The following MCUB variants were observed in gnomAD, a reference collection of about 807,000 sequenced individuals.
MCUB encodes the protein calcium uniporter regulatory subunit MCUb, mitochondrial.
Under a neutral mutation model 41.4 loss-of-function variants are expected in MCUB, and 46 were observed. That is an observed-to-expected ratio of 1.11 (90% CI 0.88 to 1.42). The LOEUF (loss-of-function observed/expected upper bound fraction) is 1.42, where lower values mean the gene tolerates loss of function less well. Among genes scored for constraint, MCUB ranks in the 40% most tolerant of loss-of-function variants. The pLI is 0.00. For synonymous variants in MCUB, 148 were observed against 148.2 expected (o/e 1.00, Z 0.01); for missense variants, 403 against 404.9 (o/e 1.00, Z 0.04).
chr4:109,685,659 T>C (rs968143159), intron 7 of MCUB, among the ~76,000 whole-genome samples: 4 of 152,176 alleles, frequency 2.6e-5, no homozygotes, highest in African/African-American at 7.2e-5. Context: ...TAATAAAAAA[T>C]AGCATTTTAG....
intron 4 of MCUB, chr4:109,674,020 C>G (rs1729517670): frequency 7.9e-7 from 1 of 1,262,238 alleles, no homozygotes; most frequent in Non-Finnish European, 1.2e-6. Context: ...GTCCATTCAT[C>G]TGATCCACAT....
chr4:109,577,901 C>T lies in MCUB; in HGVS notation c.99+17465C>T, dbSNP rs536318719. 2.8e-4 allele frequency among the ~76,000 whole-genome samples: 8 copies of T among 28,564 alleles called. 4 individuals are homozygous for T. Among genetic ancestry groups the T allele is most frequent in the Admixed American group, 7.6e-4 (2 of 2,646 alleles). 18.7% of individuals were successfully genotyped at this position (28,564 alleles called of 152,430 possible). A position where few individuals can be genotyped will look rare whatever the true frequency, so the allele number is the denominator to read the frequency against. ...CTGGGATTACAGGTGTGAGCCACCG[C>T]GCCCGGCCGGGTACTTGAATTCTTT... On this transcript the variant is annotated intron_variant, in intron 1 of 7. Transcript: ENST00000394650.
At chr4:109,598,718 T>C (rs1418954750) in intron 1 of MCUB, among the ~76,000 whole-genome samples, 1 of 152,202 alleles carries the variant, frequency 6.6e-6, no homozygotes, top group African/African-American at 2.4e-5. Flanking sequence ...TGGTGAGGCC[T>C]GGTTACAAAG....
intron 1 of MCUB, among the ~76,000 whole-genome samples, chr4:109,630,468 A>T (rs1010225324): frequency 6.6e-6 from 1 of 152,070 alleles, no homozygotes. Context: ...TCTCTAAAAA[A>T]ATTTTTTTCT....
rs866138576 is a variant in MCUB, at chr4:109,571,664, T to C, written c.99+11228T>C. ...TAGGAAATGGTTCTGTGATGAGCTC[T>C]ACAGGTCAAGCAGTAGCTCTGCTCC... On this transcript the variant is annotated intron_variant, in intron 1 of 7. Coordinates refer to ENST00000394650, the MANE Select transcript of MCUB (RefSeq NM_017918.5). Among the ~76,000 whole-genome samples the C allele has an allele frequency of 9.2e-5, 14 of 152,352 alleles. 1 individual carries two copies. In the South Asian group the frequency reaches 2.9e-3, roughly 32 times the overall value.
intron 1 of MCUB, among the ~76,000 whole-genome samples, chr4:109,656,354 CTTTT>C (rs752851425): frequency 6.4e-5 from 4 of 62,092 alleles, no homozygotes; most frequent in African/African-American, 2.2e-4. Flanking sequence ...TTACTCTCTA[CTTTT>C]TTTTTTTTTT....
At chr4:109,620,708 A>C (rs1159086034) in intron 1 of MCUB, among the ~76,000 whole-genome samples, 1 of 152,004 alleles carries the variant, frequency 6.6e-6, no homozygotes. Flanking sequence ...TTAAAAGTAA[A>C]GAGTATTGAT....
At position 109,685,338 on chromosome 4, in the gene MCUB, TACA is replaced by T. The variant is rs765523148; in HGVS notation, c.909_911del (p.Asn303del). ...GCAACAGCACTTTGATGTGCAGCAA[TACA>T]ACAAGTTAAAAGAAGACCTTGCTAA... On this transcript the variant is annotated inframe_deletion, in exon 7 of 8. Coordinates refer to ENST00000394650, the MANE Select transcript of MCUB (RefSeq NM_017918.5). The T allele has an allele frequency of 4.4e-5, 69 of 1,563,562 alleles. No individual in the cohort carries two copies. Among genetic ancestry groups the T allele is most frequent in the Non-Finnish European group, 5.1e-5 (58 of 1,134,720 alleles).
chr4:109,662,312 G>A (rs1729247669), intron 3 of MCUB, among the ~76,000 whole-genome samples: 1 of 152,204 alleles, frequency 6.6e-6, no homozygotes, highest in Non-Finnish European at 1.5e-5. Flanking sequence ...TTCCACAGGG[G>A]CAGGGCCCTC....
At chr4:109,674,089 A>G in intron 4 of MCUB, 4 of 1,458,580 alleles carry the variant, frequency 2.7e-6, no homozygotes, top group South Asian at 1.1e-5. Context: ...GGGCTATTCC[A>G]TGTATCGGGA....
chr4:109,575,549 T>G (rs956331680), intron 1 of MCUB, among the ~76,000 whole-genome samples: 2 of 152,208 alleles, frequency 1.3e-5, no homozygotes, highest in African/African-American at 4.8e-5. Context: ...TTTATTCAAT[T>G]TAGTGGGATT....
chr4:109,562,946 A>T (rs1726676616), intron 1 of MCUB, among the ~76,000 whole-genome samples: 1 of 152,236 alleles, frequency 6.6e-6, no homozygotes, highest in Non-Finnish European at 1.5e-5. Context: ...TTTAGTCTGA[A>T]GCGTAGTAGA....
intron 1 of MCUB, among the ~76,000 whole-genome samples, chr4:109,639,370 A>G (rs1449194980): frequency 1.3e-5 from 2 of 150,252 alleles, no homozygotes; most frequent in Non-Finnish European, 3.0e-5. Flanking sequence ...TTTCCCCCTG[A>G]GCAGTAGGTC....
chr4:109,597,453 C>CA (rs1341640775), intron 1 of MCUB, among the ~76,000 whole-genome samples: 1 of 79,186 alleles, frequency 1.3e-5, no homozygotes, highest in Non-Finnish European at 2.9e-5. Flanking sequence ...GCTGGCCGGG[C>CA]GGGGGGCTGA....
intron 1 of MCUB, among the ~76,000 whole-genome samples, chr4:109,641,173 A>C (rs146478189): frequency 9.8e-4 from 149 of 152,098 alleles, no homozygotes; most frequent in African/African-American, 3.5e-3. Flanking sequence ...GCTCACTGCA[A>C]GCTTCGCCTC....
At chr4:109,568,661 C>T (rs1726838144) in intron 1 of MCUB, among the ~76,000 whole-genome samples, 1 of 152,142 alleles carries the variant, frequency 6.6e-6, no homozygotes, top group Non-Finnish European at 1.5e-5. Context: ...TTCCATTATA[C>T]TTTGTTTTTC....
chr4:109,668,638 T>C (rs981341411), intron 4 of MCUB, among the ~76,000 whole-genome samples: 1 of 152,058 alleles, frequency 6.6e-6, no homozygotes, highest in Non-Finnish European at 1.5e-5. Flanking sequence ...GACATTCAAA[T>C]TGATTACTGA....
chr4:109,654,712 T>A (rs753479074), intron 1 of MCUB, among the ~76,000 whole-genome samples: 2 of 152,220 alleles, frequency 1.3e-5, no homozygotes, highest in Non-Finnish European at 2.9e-5. Flanking sequence ...CAATAGAATG[T>A]CAAATTCTCA....
chr4:109,679,598 G>T (rs112393288), intron 4 of MCUB, among the ~76,000 whole-genome samples: 1 of 152,146 alleles, frequency 6.6e-6, no homozygotes, highest in South Asian at 2.1e-4. Flanking sequence ...GTCCAGCCTC[G>T]GCAAGAGAGG....
Sources: gnomAD v4.1 joint callset for allele counts (sites outside exome capture counted in the v4.1 genomes callset) on GRCh38, gnomAD v4.1.1 for gene constraint, MANE v1.5 for transcripts, NCBI Gene and HGNC (gene_info 2026-07-23, HGNC 2026-07-21) for gene names.